OLA1: variants seen among roughly 807,000 people sequenced by gnomAD.
OLA1 encodes the protein Obg like ATPase 1.
OLA1 carries 14 observed loss-of-function variants against 48.4 expected under a neutral mutation model. That is an observed-to-expected ratio of 0.29 (90% CI 0.19 to 0.45). OLA1 has a LOEUF of 0.45. Among genes scored for constraint, OLA1 ranks in the 20% least tolerant of loss-of-function variants. The probability of loss-of-function intolerance (pLI) is 1.00; values close to 1 mark genes in which losing one functional copy is unlikely to be tolerated. For missense variants in OLA1, 325 were observed against 467.1 expected, an observed-to-expected ratio of 0.70 and a Z score of 2.80; for synonymous variants, 127 against 150.4, an observed-to-expected ratio of 0.84 and a Z score of 1.14.
Position 174,186,798 on chromosome 2 carries a change from C to G in OLA1, c.373+36235G>C, listed in dbSNP as rs192909198. Among the ~76,000 whole-genome samples the G allele has an allele frequency of 1.9e-3, 284 of 152,210 alleles. 1 individual carries two copies. The highest frequency in any genetic ancestry group is 6.5e-3 in the African/African-American group (272 of 41,536). On this transcript the variant is annotated intron_variant, in intron 4 of 10. Transcript: ENST00000284719. The stretch of plus-strand genomic sequence containing the variant: ...GAAATGTTTATGTTTATCTATAGCA[C>G]AGAAAGACCTGGAGAAACTGGACAG...
chr2:174,218,193 C>A (rs1688409735), intron 4 of OLA1, among the ~76,000 whole-genome samples: 1 of 151,864 alleles, frequency 6.6e-6, no homozygotes, highest in Admixed American at 6.5e-5. Context: ...TTTTTTTCAG[C>A]TCCTTACTAT....
At chr2:174,120,511 A>C (rs994827492) in intron 7 of OLA1, among the ~76,000 whole-genome samples, 2 of 152,206 alleles carry the variant, frequency 1.3e-5, no homozygotes, top group African/African-American at 4.8e-5. Context: ...TCATTTGATC[A>C]TAACACAACT....
intron 3 of OLA1, among the ~76,000 whole-genome samples, chr2:174,223,467 C>T (rs1054076052): frequency 6.6e-6 from 1 of 152,174 alleles, no homozygotes; most frequent in Admixed American, 6.5e-5. Flanking sequence ...CATGCACACA[C>T]ACTCAAAAGC....
chr2:174,128,945 A>T (rs1259639938), intron 5 of OLA1, among the ~76,000 whole-genome samples: 1 of 152,160 alleles, frequency 6.6e-6, no homozygotes, highest in East Asian at 1.9e-4. Context: ...AATATGGTTA[A>T]GAATATGGAT....
chr2:174,117,106 G>A (rs1425566935), intron 7 of OLA1, among the ~76,000 whole-genome samples: 1 of 152,148 alleles, frequency 6.6e-6, no homozygotes, highest in Non-Finnish European at 1.5e-5. Flanking sequence ...GATATCATGG[G>A]AGTCTCACTG....
At chr2:174,113,098 G>A (rs1685695120) in intron 7 of OLA1, among the ~76,000 whole-genome samples, 1 of 151,998 alleles carries the variant, frequency 6.6e-6, no homozygotes, top group South Asian at 2.1e-4. Flanking sequence ...CCGCCACCAA[G>A]CCCAGCTAAT....
At chr2:174,197,751 CT>C (rs959373272) in intron 4 of OLA1, among the ~76,000 whole-genome samples, 6 of 152,310 alleles carry the variant, frequency 3.9e-5, no homozygotes, top group African/African-American at 1.4e-4. Flanking sequence ...CAAATGTGAT[CT>C]ACAACTTCTC....
At chr2:174,158,974 G>T (rs1161826358) in intron 4 of OLA1, among the ~76,000 whole-genome samples, 2 of 152,122 alleles carry the variant, frequency 1.3e-5, no homozygotes, top group Non-Finnish European at 2.9e-5. Flanking sequence ...GTCAAGATCT[G>T]ATGACTGTAT....
intron 4 of OLA1, among the ~76,000 whole-genome samples, chr2:174,167,508 G>A (rs575733139): frequency 1.2e-3 from 183 of 152,252 alleles, no homozygotes; most frequent in African/African-American, 4.2e-3. Flanking sequence ...CCTGTGAGGC[G>A]GAGGTTGCAG....
intron 4 of OLA1, among the ~76,000 whole-genome samples, chr2:174,209,800 T>A (rs564071706): frequency 6.6e-6 from 1 of 152,240 alleles, no homozygotes; most frequent in Non-Finnish European, 1.5e-5. Context: ...TAAAATGATA[T>A]ATTTTTAGAA....
At chr2:174,210,117 A>G (rs1261706269) in intron 4 of OLA1, among the ~76,000 whole-genome samples, 1 of 152,194 alleles carries the variant, frequency 6.6e-6, no homozygotes, top group Non-Finnish European at 1.5e-5. Context: ...TATATTCAAG[A>G]ATAAAAACAA....
At chr2:174,232,808 A>G (rs1688763332) in intron 2 of OLA1, among the ~76,000 whole-genome samples, 1 of 152,212 alleles carries the variant, frequency 6.6e-6, no homozygotes, top group East Asian at 1.9e-4. Flanking sequence ...GAGGTTCCTC[A>G]AAAAAGTAAA....
At chr2:174,204,380 G>A (rs982315935) in intron 4 of OLA1, among the ~76,000 whole-genome samples, 3 of 152,008 alleles carry the variant, frequency 2.0e-5, no homozygotes, top group Non-Finnish European at 2.9e-5. Context: ...CAGCCTGGGC[G>A]ACAGAGCGAG....
At chr2:174,206,553 G>C (rs1688119028) in intron 4 of OLA1, among the ~76,000 whole-genome samples, 4 of 151,956 alleles carry the variant, frequency 2.6e-5, no homozygotes, top group Admixed American at 2.6e-4. Context: ...TGTCAGAAAA[G>C]ATATTCCAGA....
chr2:174,096,463 G>A (rs990679640), intron 7 of OLA1, among the ~76,000 whole-genome samples: 65 of 152,144 alleles, frequency 4.3e-4, no homozygotes, highest in African/African-American at 1.5e-3. Context: ...TAAACTGAGA[G>A]CTAATCTAAA....
At chr2:174,142,890 T>C (rs1686492290) in intron 4 of OLA1, among the ~76,000 whole-genome samples, 1 of 152,174 alleles carries the variant, frequency 6.6e-6, no homozygotes, top group South Asian at 2.1e-4. Context: ...CACACATTTA[T>C]AAACAAATTA....
At chr2:174,187,106 A>G (rs557697854) in intron 4 of OLA1, among the ~76,000 whole-genome samples, 3 of 152,342 alleles carry the variant, frequency 2.0e-5, no homozygotes, top group African/African-American at 7.2e-5. Flanking sequence ...GGAATTGTGA[A>G]TATTCAACAG....
intron 4 of OLA1, among the ~76,000 whole-genome samples, chr2:174,165,987 T>C (rs1558985710): frequency 1.3e-5 from 2 of 151,924 alleles, no homozygotes; most frequent in African/African-American, 2.4e-5. Context: ...TAGCCGGACA[T>C]GGTGGCATGT....
At chr2:174,219,422 C>CTTTTTTTTTTTTTTT (rs1559011396) in intron 4 of OLA1, among the ~76,000 whole-genome samples, 1 of 144,200 alleles carries the variant, frequency 6.9e-6, no homozygotes, top group African/African-American at 2.6e-5. Flanking sequence ...ATTTTATTTC[C>CTTTTTTTTTTTTTTT]CTTTTTTTTT....
Sources: allele counts gnomAD v4.1 joint callset (sites outside exome capture counted in the v4.1 genomes callset), GRCh38; gene constraint gnomAD v4.1.1; transcripts MANE v1.5; gene names NCBI Gene and HGNC (gene_info 2026-07-23, HGNC 2026-07-21).